Variants in JAK2 observed in about 807,000 individuals in gnomAD.
JAK2 encodes the protein Janus kinase 2.
In JAK2, 86 loss-of-function variants were observed where a neutral mutation model predicts 139.3. The observed-to-expected ratio is 0.62, with a 90% CI of 0.52 to 0.74. The LOEUF is 0.74. Ranked by LOEUF, JAK2 falls within the 30% of genes least tolerant of loss-of-function variation. JAK2 has a pLI of 0.00. For synonymous variants in JAK2, 490 were observed against 437.7 expected, an observed-to-expected ratio of 1.12 and a Z score of -1.49; for missense variants, 1,421 against 1,360.3, an observed-to-expected ratio of 1.04 and a Z score of -0.70.
At chr9:5,069,843 C>A in intron 11 of JAK2, 82 bp from the exon 12 acceptor site, 1 of 835,560 alleles carries the variant, frequency 1.2e-6, no homozygotes, top group South Asian at 2.7e-5. Context: ...ATACGTAGAA[C>A]ACATTTCATT....
intron 2 of JAK2, among the ~76,000 whole-genome samples, chr9:4,986,247 C>T (rs751903596): frequency 6.6e-6 from 1 of 152,286 alleles, no homozygotes; most frequent in Non-Finnish European, 1.5e-5. Flanking sequence ...GTTGGCTTTA[C>T]ACATAACGTG....
intron 22 of JAK2, chr9:5,113,759 CAGCT>C: frequency 6.0e-6 from 1 of 166,912 alleles, no homozygotes; most frequent in South Asian, 1.6e-4. Flanking sequence ...CATCACCAGC[CAGCT>C]GACTGCCTCG....
intron 12 of JAK2, among the ~76,000 whole-genome samples, chr9:5,072,004 C>G (rs1343444242): frequency 1.3e-5 from 2 of 152,138 alleles, no homozygotes; most frequent in East Asian, 3.8e-4. Flanking sequence ...TCATAACAAT[C>G]CTATGGGAAA....
intron 15 of JAK2, 43 bp downstream of exon 15, chr9:5,077,623 T>A: frequency 8.3e-7 from 1 of 1,211,416 alleles, no homozygotes; most frequent in Admixed American, 2.9e-5. Flanking sequence ...TATTTTATTT[T>A]ATAAAACAAT....
chr9:5,112,136 G>A (rs978337063), intron 22 of JAK2: 4 of 310,388 alleles, frequency 1.3e-5, no homozygotes, highest in Non-Finnish European at 1.9e-5. Context: ...CACGCCATGG[G>A]CACGGCTAGC....
chr9:4,992,375 C>A (rs1820305266), intron 2 of JAK2, among the ~76,000 whole-genome samples: 1 of 152,150 alleles, frequency 6.6e-6, no homozygotes, highest in Non-Finnish European at 1.5e-5. Flanking sequence ...CTGCCATGTC[C>A]TACTGGTTGT....
intron 2 of JAK2, among the ~76,000 whole-genome samples, chr9:4,997,155 C>A (rs1157601380): frequency 6.6e-6 from 1 of 151,974 alleles, no homozygotes; most frequent in African/African-American, 2.4e-5. Context: ...TGGTCTTGAA[C>A]TCCTGGGCTC....
At chr9:5,108,152 A>G (rs1053802015) in intron 22 of JAK2, 3 of 152,100 alleles carry the variant, frequency 2.0e-5, no homozygotes, top group African/African-American at 7.2e-5. Context: ...TTATAATCCT[A>G]GCAAGCCAAT....
intron 2 of JAK2, among the ~76,000 whole-genome samples, chr9:5,016,376 G>C (rs1266746968): frequency 6.6e-6 from 1 of 152,176 alleles, no homozygotes; most frequent in African/African-American, 2.4e-5. Context: ...GTTAGATGAG[G>C]AGGGACACCA....
In JAK2 at chr9:5,064,036, A is replaced by G. The variant is rs188379545; in HGVS notation, c.1057-847A>G. ...CCGGGCGTCTTGGCGTGTGCCTGTA[A>G]TCCCAGCTTTTTGGGAGACTGAGAC... On this transcript the variant is annotated intron_variant, in intron 8 of 24. Transcript: ENST00000381652. Among the ~76,000 whole-genome samples the G allele has an allele frequency of 8.5e-5, 13 of 152,190 alleles. No homozygotes were observed. In the South Asian group the frequency reaches 1.9e-3, roughly 22 times the overall value.
intron 22 of JAK2, among the ~76,000 whole-genome samples, chr9:5,121,705 C>T (rs1331471213): frequency 6.6e-6 from 1 of 152,146 alleles, no homozygotes; most frequent in Non-Finnish European, 1.5e-5. Flanking sequence ...TACAAGTTTT[C>T]TGAATGCTCT....
At chr9:5,083,278 C>T (rs992371933) in intron 19 of JAK2, among the ~76,000 whole-genome samples, 5 of 152,162 alleles carry the variant, frequency 3.3e-5, no homozygotes, top group African/African-American at 1.2e-4. Context: ...TCTATTAAAA[C>T]GTCACACAGT....
rs1183902569 is a variant in JAK2, at chr9:5,114,593, G to A, written c.3060-8411G>A. On this transcript the variant is annotated intron_variant, in intron 22 of 24. Transcript: ENST00000381652. ...ACTTCTGGCCCAAGGACATCTTGGT[G>A]CAGTGGCTGTACAACGAGGTGCAGC... The A allele has an allele frequency of 1.4e-5, 7 of 491,170 alleles. No individual in the cohort carries two copies. In the East Asian group the frequency reaches 2.2e-4, roughly 16 times the overall value. The allele number at this position is 491,170 out of a possible 1,614,324, so 30.4% of individuals were successfully genotyped here. A position where few individuals can be genotyped will look rare whatever the true frequency, so the allele number is the denominator to read the frequency against.
rs1002533263 is a variant in JAK2, at chr9:5,081,947, A to T, written c.2571+86A>T. 4 of 1,139,426 alleles carry T rather than the reference A, an allele frequency of 3.5e-6. No individual in the cohort carries two copies. In the Admixed American group the frequency reaches 8.0e-5, roughly 23 times the overall value. 70.6% of individuals were successfully genotyped at this position (1,139,426 alleles called of 1,614,324 possible). A position where few individuals can be genotyped will look rare whatever the true frequency, so the allele number is the denominator to read the frequency against. On this transcript the variant is annotated intron_variant, in intron 19 of 24. Coordinates refer to ENST00000381652, the MANE Select transcript of JAK2 (RefSeq NM_004972.4). ...GCGTTTCTAAAGTTCACTTTCTACA[A>T]CATTTTAAGGAGTGCTTGTAGAAAA... is the stretch of plus-strand genomic sequence containing the variant.
intron 19 of JAK2, among the ~76,000 whole-genome samples, chr9:5,084,715 A>G (rs1449144363): frequency 6.6e-6 from 1 of 152,164 alleles, no homozygotes; most frequent in Non-Finnish European, 1.5e-5. Context: ...TATTTGTGTA[A>G]TAGCCTTACA....
rs1048482258 is a variant in JAK2 at position 5,109,226 on chromosome 9, T to C, written c.3060-13778T>C. On this transcript the variant is annotated intron_variant, in intron 22 of 24. Transcript: ENST00000381652. Reference sequence around the variant, plus strand: ...TCCTTTACACGAGAAAATACATTAATATTTATACATGTTACACCTATTCTT... The same window carrying C: ...TCCTTTACACGAGAAAATACATTAACATTTATACATGTTACACCTATTCTT... The C allele has an allele frequency of 8.5e-5, 13 of 152,332 alleles. No homozygotes were observed. In the South Asian group the frequency reaches 2.7e-3, roughly 32 times the overall value. 9.4% of individuals were successfully genotyped at this position (152,332 alleles called of 1,614,324 possible).
At chr9:5,112,967 T>C (rs748492426) in intron 22 of JAK2, 15 of 199,566 alleles carry the variant, frequency 7.5e-5, no homozygotes, top group Admixed American at 1.8e-4. Flanking sequence ...GTTGTCAGCA[T>C]TGAGCCAACA....
At chr9:5,075,737 T>G (rs1266505402) in intron 14 of JAK2, among the ~76,000 whole-genome samples, 2 of 152,212 alleles carry the variant, frequency 1.3e-5, no homozygotes, top group Non-Finnish European at 2.9e-5. Flanking sequence ...ATCCATTCTG[T>G]AGCCCATGGA....
chr9:5,037,838 C>T lies in JAK2; in HGVS notation c.351-6565C>T, dbSNP rs144847364. Among the ~76,000 whole-genome samples, 703 of 152,114 alleles carry T rather than the reference C, an allele frequency of 4.6e-3. 5 individuals are homozygous for T. The highest frequency in any genetic ancestry group is 0.016 in the African/African-American group (667 of 41,476). ...AACCTGCATGTTGTGCACATGTACC[C>T]TAAAACTTAAAGTATAATAGAAAAA... is the stretch of plus-strand genomic sequence containing the variant. On this transcript the variant is annotated intron_variant, in intron 4 of 24. Transcript: ENST00000381652.
Sources: allele counts gnomAD v4.1 joint callset (sites outside exome capture counted in the v4.1 genomes callset), GRCh38; gene constraint gnomAD v4.1.1; transcripts MANE v1.5; gene names NCBI Gene and HGNC (gene_info 2026-07-23, HGNC 2026-07-21).